The following FAM234A variants were observed in gnomAD, a reference collection of about 807,000 sequenced individuals.
FAM234A encodes the protein protein FAM234A.
FAM234A carries 42 observed loss-of-function variants against 49.1 expected under a neutral mutation model. That is an observed-to-expected ratio of 0.86 (90% CI 0.67 to 1.11). The LOEUF is 1.11. FAM234A is among the 50% of genes least tolerant of loss of function. The pLI, the probability that FAM234A is intolerant of heterozygous loss-of-function variation, is 0.00. For synonymous variants in FAM234A, 369 were observed against 316.2 expected, an observed-to-expected ratio of 1.17 and a Z score of -1.77; for missense variants, 815 against 745.2, an observed-to-expected ratio of 1.09 and a Z score of -1.09.
At chr16:268,621 G>C (rs953301614), downstream of FAM234A, 8 of 689,208 alleles carry the variant, frequency 1.2e-5, no homozygotes, top group African/African-American at 8.9e-5. Flanking sequence ...CTATAAATCG[G>C]GGGGGAGGCC....
In FAM234A at chr16:264,929, C is replaced by T. The variant is rs748774774; in HGVS notation, c.1566C>T (p.Ser522=). ...ACAAGGTGCGGGACCTTGTCCCAAGCAGCAGGGTGGTCCGCCTGGGTGAGG... is the reference window on the plus strand; with the variant it reads ...ACAAGGTGCGGGACCTTGTCCCAAGTAGCAGGGTGGTCCGCCTGGGTGAGG... ...IKHKVRDLVP[S]SRVVRLGEGG... is the part of the protein sequence containing the mutation. The change falls in exon 13 of 13, where the codon AGC becomes AGT. Residue 522 remains serine (S), a synonymous_variant. Coordinates refer to ENST00000399932, the MANE Select transcript of FAM234A (RefSeq NM_032039.4). The T allele has an allele frequency of 1.2e-6, 2 of 1,613,024 alleles. No individual in the cohort carries two copies. The highest frequency in any genetic ancestry group is 2.2e-5 in the South Asian group (2 of 91,074).
rs1343505118 is a variant in FAM234A at position 263,194 on chromosome 16, G to C, written c.972-68G>C. On this transcript the variant is annotated intron_variant, in intron 8 of 12. Coordinates refer to ENST00000399932, the MANE Select transcript of FAM234A (RefSeq NM_032039.4). Reference sequence around the variant, plus strand: ...GAGCACCCTGAGACGGGCGGTGCCAGAGCCTCCACTGGGTGCCTGAGGCCG... The same window carrying C: ...GAGCACCCTGAGACGGGCGGTGCCACAGCCTCCACTGGGTGCCTGAGGCCG... 9 of 1,575,862 alleles carry C rather than the reference G, an allele frequency of 5.7e-6. No homozygotes were observed. The Admixed American group carries it at 1.0e-4, about 18-fold the overall frequency.
At chr16:256,202 T>C (rs112573085) in intron 3 of FAM234A, among the ~76,000 whole-genome samples, 440 of 152,084 alleles carry the variant, frequency 2.9e-3, no homozygotes, top group South Asian at 8.5e-3. Context: ...TATGTTTTCA[T>C]TTCTCTTGGG....
intron 1 of FAM234A, among the ~76,000 whole-genome samples, chr16:236,947 G>A (rs1035375582): frequency 2.0e-5 from 3 of 151,668 alleles, no homozygotes; most frequent in South Asian, 4.2e-4. Context: ...TTGTAGGGAT[G>A]GGGTCTCTCT....
rs375898121 is a variant in FAM234A at position 250,158 on chromosome 16, C to G, written c.-34+504C>G. 2.0e-5 allele frequency among the ~76,000 whole-genome samples: 3 copies of G among 152,202 alleles called. No homozygotes were observed. In the East Asian group the frequency reaches 5.8e-4, roughly 29 times the overall value. On this transcript the variant is annotated intron_variant, in intron 2 of 12. Transcript: ENST00000399932. ...GTGTTAGCCAGGATGCTCTAGATCT[C>G]CTGACCTCGTGATCCTCCCACCTCG...
chr16:235,142 C>T (rs951254211), intron 1 of FAM234A, among the ~76,000 whole-genome samples: 4 of 152,218 alleles, frequency 2.6e-5, no homozygotes, highest in Non-Finnish European at 5.9e-5. Flanking sequence ...CAGAACAAGC[C>T]CACATGTTCC....
At chr16:244,409 TAAAC>T (rs1384765496) in intron 1 of FAM234A, among the ~76,000 whole-genome samples, 2 of 152,106 alleles carry the variant, frequency 1.3e-5, no homozygotes, top group African/African-American at 4.8e-5. Flanking sequence ...CTTCCAAAAA[TAAAC>T]AAAACACTAA....
In FAM234A at chr16:263,794, G is replaced by A. The variant is rs781654093; in HGVS notation, c.1188+19G>A. The A allele has an allele frequency of 3.1e-6, 5 of 1,595,706 alleles. No homozygotes were observed. Among genetic ancestry groups the A allele is most frequent in the Admixed American group, 1.7e-5 (1 of 59,986 alleles). Reference sequence around the variant, plus strand: ...CAGACAGGTTCGTTGTTCTTCCTTCGGAGGTGGCACCTTTGTTCTTAGCTG... The same window carrying A: ...CAGACAGGTTCGTTGTTCTTCCTTCAGAGGTGGCACCTTTGTTCTTAGCTG... On this transcript the variant is annotated intron_variant, in intron 10 of 12. Coordinates refer to ENST00000399932, the MANE Select transcript of FAM234A (RefSeq NM_032039.4).
At chr16:262,574 T>C in intron 8 of FAM234A, 21 bp downstream of exon 8, 1 of 1,562,810 alleles carries the variant, frequency 6.4e-7, no homozygotes, top group Non-Finnish European at 8.6e-7. Flanking sequence ...GCCGCAGCCT[T>C]TCTCCATGCA....
At position 264,602 on chromosome 16, in the gene FAM234A, T is replaced by G. The variant is rs1181917087; in HGVS notation, c.1345-12T>G. ...TGAAGGGCGTGGGGCCCATTGCTGG[T>G]TCTCGCTCCAGGAGACCGGGGAGGC... On this transcript the variant is annotated splice_polypyrimidine_tract_variant and intron_variant, in intron 11 of 12. Coordinates refer to ENST00000399932, the MANE Select transcript of FAM234A (RefSeq NM_032039.4). 1 of 1,588,062 alleles carries G rather than the reference T, an allele frequency of 6.3e-7. No individual in the cohort carries two copies. The highest frequency in any genetic ancestry group is 8.6e-7 in the Non-Finnish European group (1 of 1,160,676).
intron 2 of FAM234A, among the ~76,000 whole-genome samples, chr16:251,679 GTTTTTTT>G (rs1172222528): frequency 7.7e-5 from 7 of 91,140 alleles, no homozygotes; most frequent in Admixed American, 3.8e-4. Flanking sequence ...GCCTAGCCAG[GTTTTTTT>G]TTTTTTTTTT....
In FAM234A at chr16:264,125, C is replaced by T. The variant is rs769572816; in HGVS notation, c.1298C>T (p.Ala433Val). Residue 433 changes from alanine (A) to valine (V), a missense_variant, in exon 11 of 13, where the codon GCC becomes GTC. Coordinates refer to ENST00000399932, the MANE Select transcript of FAM234A (RefSeq NM_032039.4). ...CTGCCGACCGCAGACCACCGCTCAG[C>T]CTTCTTCTTCTGGGGCCTCCACGAG... ...ASLPTADHRSAFFFWGLHELG... is the reference protein window; with the variant it reads ...ASLPTADHRSVFFFWGLHELG... The T allele has an allele frequency of 2.4e-5, 38 of 1,610,010 alleles. No homozygotes were observed. Among genetic ancestry groups the T allele is most frequent in the East Asian group, 1.8e-4 (8 of 44,872 alleles).
intron 8 of FAM234A, 80 bp downstream of exon 8, chr16:262,633 C>A: frequency 7.0e-7 from 1 of 1,426,632 alleles, no homozygotes; most frequent in Non-Finnish European, 9.2e-7. Flanking sequence ...TTCGGACAAT[C>A]TGTGTGGAGC....
At chr16:269,259 G>A (rs949680262), downstream of FAM234A, 56 of 1,538,116 alleles carry the variant, frequency 3.6e-5, no homozygotes, top group Non-Finnish European at 4.9e-5. Context: ...TGGCAGATGG[G>A]CCAGGTCCAC....
intron 1 of FAM234A, among the ~76,000 whole-genome samples, chr16:247,890 C>A (rs2050870310): frequency 6.6e-6 from 1 of 152,016 alleles, no homozygotes; most frequent in Non-Finnish European, 1.5e-5. Context: ...CATTTTCTAC[C>A]CTGACCTGGG....
Position 265,605 on chromosome 16 carries a change from G to T in FAM234A, c.*583G>T. On this transcript the variant is annotated 3_prime_UTR_variant, in exon 13 of 13. Transcript: ENST00000399932. ...AGCTACAGGGGGATCCTCTAGCATGGGGGGTGTGACTTGGTTCCTTTGACC... is the reference window on the plus strand; with the variant it reads ...AGCTACAGGGGGATCCTCTAGCATGTGGGGTGTGACTTGGTTCCTTTGACC... The T allele has an allele frequency of 1.0e-6, 1 of 985,760 alleles. No homozygotes were observed. The highest frequency in any genetic ancestry group is 4.7e-5 in the South Asian group (1 of 21,300). The allele number at this position is 985,760 out of a possible 1,614,324, so 61.1% of individuals were successfully genotyped here. A position where few individuals can be genotyped will look rare whatever the true frequency, so the allele number is the denominator to read the frequency against.
chr16:244,682 CT>C (rs59549388), intron 1 of FAM234A, among the ~76,000 whole-genome samples: 12,245 of 87,222 alleles, frequency 0.14, 371 homozygotes, highest in East Asian at 0.22. Flanking sequence ...ATGGTAACCT[CT>C]TTTTTTTTTT....
Position 260,078 on chromosome 16 carries a change from C to T in FAM234A, c.495C>T (p.Pro165=), listed in dbSNP as rs746584732. The T allele has an allele frequency of 6.2e-7, 1 of 1,613,872 alleles. No individual in the cohort carries two copies. Among genetic ancestry groups the T allele is most frequent in the South Asian group, 1.1e-5 (1 of 91,076 alleles). The change falls in exon 5 of 13, where the codon CCC becomes CCT. Residue 165 remains proline (P), a synonymous_variant. Coordinates refer to ENST00000399932, the MANE Select transcript of FAM234A (RefSeq NM_032039.4). Reference sequence around the variant, plus strand: ...TGGCCCTCGTGGAGTGTGCTGTGCCCCAGCCAAGAGGCAGTGAGGCACCTT... The same window carrying T: ...TGGCCCTCGTGGAGTGTGCTGTGCCTCAGCCAAGAGGCAGTGAGGCACCTT... ...QDVALVECAV[P]QPRGSEAPSA...
In FAM234A at chr16:264,707, G is replaced by A. The variant is rs774972903; in HGVS notation, c.1438G>A (p.Ala480Thr). The change falls in exon 12 of 13, where the codon GCC (alanine) becomes ACC (threonine). Residue 480 changes from alanine to threonine, a missense_variant. Ala to Thr is a moderately conservative substitution (Grantham distance 58). Transcript: ENST00000399932. ...ELANVSTHIV[A>T]FDAVLFEPSR... ...GGCCAATGTCTCTACCCACATTGTC[G>A]CCTTTGACGGTGAGTGTGGCCTCGG... The A allele has an allele frequency of 2.0e-5, 32 of 1,611,056 alleles. No individual in the cohort carries two copies. In the Middle Eastern group the frequency reaches 4.9e-4, roughly 25 times the overall value.
Sources: allele counts gnomAD v4.1 joint callset (sites outside exome capture counted in the v4.1 genomes callset), GRCh38; gene constraint gnomAD v4.1.1; transcripts MANE v1.5; gene names NCBI Gene and HGNC (gene_info 2026-07-23, HGNC 2026-07-21).